The following CUBN variants were observed in gnomAD, a reference collection of about 807,000 sequenced individuals.
CUBN encodes the protein 460 kDa receptor.
CUBN carries 282 observed loss-of-function variants against 405.3 expected under a neutral mutation model. The observed-to-expected ratio is 0.70, with a 90% CI of 0.63 to 0.77. The LOEUF (loss-of-function observed/expected upper bound fraction) is 0.77. Among genes scored for constraint, CUBN ranks in the 30% least tolerant of loss-of-function variants. The pLI is 0.00. For missense variants in CUBN, 4,514 were observed against 4,475.2 expected, an observed-to-expected ratio of 1.01 and a Z score of -0.25; for synonymous variants, 1,684 against 1,617.0, an observed-to-expected ratio of 1.04 and a Z score of -0.99.
intron 41 of CUBN, among the ~76,000 whole-genome samples, chr10:16,926,233 A>T (rs1354912741): frequency 2.0e-5 from 3 of 152,144 alleles, no homozygotes; most frequent in Non-Finnish European, 2.9e-5. Context: ...GGGGGAGAAA[A>T]CATTCCAGTT....
intron 22 of CUBN, among the ~76,000 whole-genome samples, chr10:17,052,667 C>T (rs756968562): frequency 2.1e-5 from 3 of 143,230 alleles, no homozygotes; most frequent in South Asian, 2.2e-4. Flanking sequence ...GGCTGAGGCA[C>T]GAGAATTGCT....
chr10:16,888,161 C>A (rs1213740901), intron 56 of CUBN, among the ~76,000 whole-genome samples: 1 of 152,076 alleles, frequency 6.6e-6, no homozygotes, highest in African/African-American at 2.4e-5. Flanking sequence ...ATCTACTGTA[C>A]AACATGGTGC....
At chr10:16,927,603 G>T (rs1444092800) in intron 41 of CUBN, among the ~76,000 whole-genome samples, 1 of 152,130 alleles carries the variant, frequency 6.6e-6, no homozygotes, top group Non-Finnish European at 1.5e-5. Flanking sequence ...AGTTAGTTTG[G>T]ATTTAAGGCT....
At chr10:16,840,308 C>T in intron 62 of CUBN, 22 bp downstream of exon 62, 2 of 1,591,240 alleles carry the variant, frequency 1.3e-6, no homozygotes, top group Non-Finnish European at 1.7e-6. Context: ...GATGTGACTG[C>T]CATTCATCTT....
chr10:17,109,831 A>G, intron 9 of CUBN, 96 bp from the exon 10 acceptor site: 1 of 923,404 alleles, frequency 1.1e-6, no homozygotes, highest in Non-Finnish European at 1.8e-6. Flanking sequence ...TGGACCAATC[A>G]GGGATCCTCT....
intron 59 of CUBN, 35 bp downstream of exon 59, chr10:16,869,601 C>T (rs780073254): frequency 6.9e-7 from 1 of 1,445,908 alleles, no homozygotes; most frequent in Admixed American, 1.7e-5. Context: ...AGGTAACAGT[C>T]CTGACAAATA....
At chr10:17,116,412 C>T (rs1836900925) in intron 6 of CUBN, among the ~76,000 whole-genome samples, 1 of 152,152 alleles carries the variant, frequency 6.6e-6, no homozygotes, top group Non-Finnish European at 1.5e-5. Context: ...AGCCTATCCC[C>T]ACATGCCAGG....
At chr10:17,036,147 C>G (rs1447822037) in intron 27 of CUBN, among the ~76,000 whole-genome samples, 2 of 152,130 alleles carry the variant, frequency 1.3e-5, no homozygotes, top group African/African-American at 4.8e-5. Context: ...TAATGAGTAT[C>G]GTCCATAGGC....
At chr10:16,832,689 G>A (rs759982499) in intron 64 of CUBN, among the ~76,000 whole-genome samples, 1 of 152,148 alleles carries the variant, frequency 6.6e-6, no homozygotes, top group Non-Finnish European at 1.5e-5. Flanking sequence ...TCCTCTCCTA[G>A]GAAGAATGGG....
chr10:16,902,674 A>G (rs1841429403), intron 51 of CUBN, among the ~76,000 whole-genome samples: 1 of 152,188 alleles, frequency 6.6e-6, no homozygotes, highest in Non-Finnish European at 1.5e-5. Flanking sequence ...AACCATAACT[A>G]AAACATATTT....
In CUBN at chr10:17,129,668, T is replaced by C. The variant is rs1197207131; in HGVS notation, c.98A>G (p.Gln33Arg). Residue 33 changes from glutamine to arginine, a missense_variant, in exon 1 of 67, where the codon CAA becomes CGA. This residue lies in a region of CUBN where 1,448 missense variants were observed against 1,388.0 expected (regional missense o/e 1.04). Coordinates refer to ENST00000377833, the MANE Select transcript of CUBN (RefSeq NM_001081.4). ...CTGTTGGAGATTGATGCTTCTTTTT[T>C]GTCTCTGCAGCTCAAGTTCTCCAGC... ...GEAGELELQR[Q>R]KRSINLQQPR... 1.2e-6 allele frequency: 2 copies of C among 1,614,202 alleles called. No homozygotes were observed. Among genetic ancestry groups the C allele is most frequent in the Non-Finnish European group, 1.7e-6 (2 of 1,180,012 alleles).
chr10:16,911,162 C>T (rs555757768), intron 48 of CUBN, among the ~76,000 whole-genome samples: 2 of 151,954 alleles, frequency 1.3e-5, no homozygotes, highest in Non-Finnish European at 2.9e-5. Flanking sequence ...AGGGTGTGGA[C>T]GAATTGGTGA....
At chr10:16,891,234 A>C (rs1353496887) in intron 54 of CUBN, among the ~76,000 whole-genome samples, 1 of 152,200 alleles carries the variant, frequency 6.6e-6, no homozygotes, top group East Asian at 1.9e-4. Flanking sequence ...CAAAATTCCA[A>C]ATCAAACCAA....
In CUBN at chr10:17,121,499, G is replaced by A. The variant is rs1056247704; in HGVS notation, c.593+1296C>T. Among the ~76,000 whole-genome samples, 8 of 133,202 alleles carry A rather than the reference G, an allele frequency of 6.0e-5. No homozygotes were observed. In the South Asian group the frequency reaches 1.8e-3, roughly 30 times the overall value. 87.4% of individuals were successfully genotyped at this position (133,202 alleles called of 152,430 possible). ...CTCATAGGTGGGAACTGAACAATGA[G>A]AACACATGGACACAGGAAGGGGAAC... On this transcript the variant is annotated intron_variant, in intron 6 of 66. Coordinates refer to ENST00000377833, the MANE Select transcript of CUBN (RefSeq NM_001081.4).
chr10:17,068,894 G>T, intron 19 of CUBN, 124 bp from the exon 20 acceptor site: 1 of 810,372 alleles, frequency 1.2e-6, no homozygotes, highest in Non-Finnish European at 2.0e-6. Flanking sequence ...ATCAATTTTA[G>T]CACATTTTAG....
At chr10:17,043,421 A>G (rs1169037326) in intron 26 of CUBN, among the ~76,000 whole-genome samples, 1 of 152,178 alleles carries the variant, frequency 6.6e-6, no homozygotes, top group African/African-American at 2.4e-5. Flanking sequence ...GTACATTGGA[A>G]TAATATAATG....
chr10:16,836,064 T>G (rs1040573254), intron 63 of CUBN, among the ~76,000 whole-genome samples, 171 bp downstream of exon 63: 13 of 152,200 alleles, frequency 8.5e-5, no homozygotes, highest in African/African-American at 2.9e-4. Flanking sequence ...AGAAACCAAC[T>G]GTAGTAATTT....
chr10:16,979,834 T>C (rs1446454720), intron 31 of CUBN, among the ~76,000 whole-genome samples: 1 of 152,006 alleles, frequency 6.6e-6, no homozygotes, highest in Non-Finnish European at 1.5e-5. Flanking sequence ...AAGCCAAAAT[T>C]AACAAATGGG....
At chr10:16,903,101 A>G (rs1481206466) in intron 51 of CUBN, among the ~76,000 whole-genome samples, 3 of 152,242 alleles carry the variant, frequency 2.0e-5, no homozygotes, top group Non-Finnish European at 4.4e-5. Context: ...ATGACAAAAT[A>G]GGATTTATCC....
Sources: allele counts gnomAD v4.1 joint callset (sites outside exome capture counted in the v4.1 genomes callset), GRCh38; gene constraint gnomAD v4.1.1; regional missense constraint gnomAD v4.1.1; transcripts MANE v1.5; gene names NCBI Gene and HGNC (gene_info 2026-07-23, HGNC 2026-07-21).